TTN: variants seen among roughly 807,000 people sequenced by gnomAD.
TTN encodes the protein titin.
TTN carries 1,525 observed loss-of-function variants against 3,223.0 expected under a neutral mutation model. The observed-to-expected ratio is 0.47, with a 90% CI of 0.45 to 0.49. TTN has a LOEUF of 0.49. Among genes scored for constraint, TTN ranks in the 20% least tolerant of loss-of-function variants. The pLI, the probability that TTN is intolerant of heterozygous loss-of-function variation, is 0.00. For synonymous variants in TTN, 14,094 were observed against 15,161.0 expected (o/e 0.93, Z 5.17); for missense variants, 40,786 against 43,424.0 (o/e 0.94, Z 5.40).
rs1182411213 is a variant in TTN at position 178,677,785 on chromosome 2, T to G, written c.34127A>C (p.Glu11376Ala). 6.2e-7 allele frequency: 1 copy of G among 1,612,724 alleles called. No homozygotes were observed. The highest frequency in any genetic ancestry group is 8.5e-7 in the Non-Finnish European group (1 of 1,179,124). Residue 11376 changes from glutamate (E) to alanine (A), a missense_variant, in exon 146 of 363, where the codon GAA (glutamate) becomes GCA (alanine). Physicochemically the swap from Glu to Ala is moderately radical, Grantham distance 107 (BLOSUM62 -1). Coordinates refer to ENST00000589042, the MANE Select transcript of TTN (RefSeq NM_001267550.2). Reference protein sequence around the residue: ...EEEEVLPEEEEVLPEEEEVLP... With the variant: ...EEEEVLPEEEAVLPEEEEVLP... ...AACTTCCTCTTCTTCAGGTAGAACT[T>G]CCTCTTCCTCAGGTAGAACTTCCTC...
At chr2:178,746,585 A>T (rs372159964) in intron 47 of TTN, 1 of 1,613,080 alleles carries the variant, frequency 6.2e-7, no homozygotes, top group African/African-American at 1.3e-5. Flanking sequence ...CTGGGGCATT[A>T]TGTCTACATT....
At position 178,759,124 on chromosome 2, in the gene TTN, C is replaced by T. The variant is rs187703540; in HGVS notation, c.10163G>A (p.Arg3388Gln). ...TTCAAATTGAGTCATTCTAAAGAAC[C>T]GAGATGGCTTGATTTTCTTGTCTTT... ...YSKDKKIKPS[R>Q]FFRMTQFEDT... is the part of the protein sequence containing the mutation. Residue 3388 changes from arginine (R) to glutamine (Q), a missense_variant, in exon 44 of 363, where the codon CGG (arginine) becomes CAG (glutamine). Physicochemically the swap from Arg to Gln is conservative, Grantham distance 43. Coordinates refer to ENST00000589042, the MANE Select transcript of TTN (RefSeq NM_001267550.2). 351 of 1,613,916 alleles carry T rather than the reference C, an allele frequency of 2.2e-4. No homozygotes were observed. The East Asian group carries it at 6.2e-3, about 29-fold the overall frequency.
At position 178,551,064 on chromosome 2, in the gene TTN, C is replaced by A. The variant is rs542171381; in HGVS notation, c.91467G>T (p.Gly30489=). Residue 30489 remains glycine (G), a synonymous_variant, in exon 336 of 363, where the codon GGG becomes GGT. Transcript: ENST00000589042. ...CQYTVTGLSP[G]DRYEFRIIAR... is the part of the protein sequence containing the mutation. ...CAATTATTCTGAACTCATAGCGATC[C>A]CCAGGACTGAGTCCTGTAACTGTGT... 3.7e-6 allele frequency: 6 copies of A among 1,613,246 alleles called. No individual in the cohort carries two copies. In the South Asian group the frequency reaches 5.5e-5, roughly 15 times the overall value.
chr2:178,751,635 C>T (rs995505601), intron 47 of TTN: 1 of 1,613,344 alleles, frequency 6.2e-7, no homozygotes, highest in Non-Finnish European at 8.5e-7. Context: ...GTTGATTCTG[C>T]AGACCCTTCA....
At chr2:178,785,502 G>A (rs1411676948) in intron 15 of TTN, 118 bp downstream of exon 15, 19 of 1,433,444 alleles carry the variant, frequency 1.3e-5, no homozygotes, top group East Asian at 4.7e-5. Context: ...GCAAACACAC[G>A]CACACACACA....
intron 321 of TTN, among the ~76,000 whole-genome samples, 169 bp downstream of exon 321, chr2:178,578,437 TATTAC>T (rs1449483324): frequency 2.6e-5 from 4 of 152,086 alleles, no homozygotes; most frequent in African/African-American, 9.7e-5. Context: ...CTTTATTAAC[TATTAC>T]ATTAGGATAT....
rs190149868 is a variant in TTN at position 178,575,371 on chromosome 2, C to A, written c.70761G>T (p.Gly23587=). Residue 23587 remains glycine, a synonymous_variant, in exon 326 of 363, where the codon GGG becomes GGT. Transcript: ENST00000589042. This position sits in a 1 kb window ranked among gnomAD's most constrained non-coding sequence, Gnocchi z 4.0. ...DQWTHITTVK[G]LECVVRNLTE... ...TTAGATTCCTCACAACACATTCTAACCCTTTCACGGTTGTGATGTGGGTCC... is the reference window on the plus strand; with the variant it reads ...TTAGATTCCTCACAACACATTCTAAACCTTTCACGGTTGTGATGTGGGTCC... The A allele has an allele frequency of 9.9e-4, 1,605 of 1,613,616 alleles. 22 individuals carry two copies. Among genetic ancestry groups the A allele is most frequent in the Non-Finnish European group, 7.5e-5 (88 of 1,179,672 alleles).
chr2:178,764,035 G>A (rs1049908104), intron 43 of TTN, 142 bp downstream of exon 43: 10 of 1,250,900 alleles, frequency 8.0e-6, no homozygotes, highest in Non-Finnish European at 1.2e-5. Flanking sequence ...TTTAATAATT[G>A]AAATAAGTTT....
rs779416521 is a variant in TTN at position 178,741,874 on chromosome 2, C to T, written c.11359G>A (p.Ala3787Thr). 23 of 1,578,336 alleles carry T rather than the reference C, an allele frequency of 1.5e-5. No individual in the cohort carries two copies. Among genetic ancestry groups the T allele is most frequent in the Admixed American group, 7.5e-5 (4 of 53,668 alleles). The change falls in exon 48 of 363, where the codon GCC becomes ACC. Residue 3787 changes from alanine (A) to threonine (T), a missense_variant. Ala to Thr is a moderately conservative substitution (Grantham distance 58). Transcript: ENST00000589042. ...LSAEEEGLHS[A>T]ELQLSKINET... Reference sequence around the variant, plus strand: ...TTTATTTTAGATAATTGAAGTTCGGCGCTATGAAGTCCTTCTTCCTCGGCA... The same window carrying T: ...TTTATTTTAGATAATTGAAGTTCGGTGCTATGAAGTCCTTCTTCCTCGGCA...
chr2:178,650,899 C>A, intron 208 of TTN, 65 bp from the exon 209 acceptor site: 1 of 1,482,474 alleles, frequency 6.7e-7, no homozygotes, highest in South Asian at 1.2e-5. Flanking sequence ...TATACCACAT[C>A]GACTTCACAT....
chr2:178,794,387 C>T lies in TTN; in HGVS notation c.1398+12G>A, dbSNP rs1033605445. The stretch of plus-strand genomic sequence containing the variant: ...TGGCTCTGCGGGTGCCCCATGGCAG[C>T]CTCGCACGTACCTGTTCTTGAGCAG... On this transcript the variant is annotated intron_variant, in intron 8 of 362. Transcript: ENST00000589042. 2 of 1,613,874 alleles carry T rather than the reference C, an allele frequency of 1.2e-6. No individual in the cohort carries two copies. Among genetic ancestry groups the T allele is most frequent in the Non-Finnish European group, 8.5e-7 (1 of 1,179,968 alleles).
At chr2:178,639,892 T>A in intron 222 of TTN, 104 bp from the exon 223 acceptor site, 2 of 1,437,722 alleles carry the variant, frequency 1.4e-6, no homozygotes, top group Non-Finnish European at 1.9e-6. Flanking sequence ...AATCTTCAAA[T>A]AACTAGTTTT....
intron 359 of TTN, 101 bp from the exon 360 acceptor site, chr2:178,529,320 C>A (rs956890750): frequency 1.4e-5 from 13 of 919,306 alleles, no homozygotes; most frequent in South Asian, 2.3e-5. Flanking sequence ...GAAAAAAAGT[C>A]AACTTCTTCA....
Position 178,630,928 on chromosome 2 carries a change from A to G in TTN, c.44030T>C (p.Leu14677Pro). 1 of 1,611,390 alleles carries G rather than the reference A, an allele frequency of 6.2e-7. No individual in the cohort carries two copies. Among genetic ancestry groups the G allele is most frequent in the Non-Finnish European group, 8.5e-7 (1 of 1,179,068 alleles). ...KLDIEDREIK[L>P]VRPLHSVEVM... is the part of the protein sequence containing the mutation. ...CTCCACACTGTGCAGGGGTCGCACC[A>G]GTTTAATTTCCCGATCTAGAAAAGT... The change falls in exon 238 of 363, where the codon CTG (leucine) becomes CCG (proline). Residue 14677 changes from leucine to proline, a missense_variant. Leu to Pro is a moderately conservative substitution (Grantham distance 98). Transcript: ENST00000589042.
intron 47 of TTN, chr2:178,744,690 CT>C (rs2083139815): frequency 1.0e-6 from 1 of 975,662 alleles, no homozygotes; most frequent in Non-Finnish European, 1.2e-6. Flanking sequence ...AATATCCCAC[CT>C]TTTTTTAAAT....
In TTN at chr2:178,728,297, G is replaced by GA. The variant is rs778306448; in HGVS notation, c.19526_19527insT (p.Ile6510HisfsTer2). The stretch of plus-strand genomic sequence containing the variant: ...CATCCTTAAACCACTGAGCACTAAT[G>GA]GGAAGTGAACCAGACACCTTGCACT... On this transcript the variant is annotated frameshift_variant, in exon 67 of 363. Transcript: ENST00000589042. LOFTEE classifies it high-confidence loss of function. The GA allele has an allele frequency of 6.2e-7, 1 of 1,613,136 alleles. No individual in the cohort carries two copies. The highest frequency in any genetic ancestry group is 1.1e-5 in the South Asian group (1 of 91,058).
Position 178,665,429 on chromosome 2 carries a change from T to C in TTN, c.35991A>G (p.Glu11997=). The C allele has an allele frequency of 6.2e-7, 1 of 1,612,420 alleles. No homozygotes were observed. Among genetic ancestry groups the C allele is most frequent in the Non-Finnish European group, 8.5e-7 (1 of 1,179,574 alleles). The change falls in exon 165 of 363, where the codon GAA becomes GAG. Residue 11997 remains glutamate (E), a synonymous_variant. Coordinates refer to ENST00000589042, the MANE Select transcript of TTN (RefSeq NM_001267550.2). The part of the protein sequence containing the change: ...APEAMKEVVP[E]MKIFEDVPEE... ...CAGGTACATCCTCAAATATTTTCAT[T>C]TCAGGGACAACTTCTTTCATAGCTT...
rs780308468 is a variant in TTN at position 178,611,700 on chromosome 2, A to G, written c.50552-23T>C. The G allele has an allele frequency of 5.0e-6, 8 of 1,612,122 alleles. No homozygotes were observed. The Admixed American group carries it at 1.3e-4, about 27-fold the overall frequency. On this transcript the variant is annotated intron_variant, in intron 268 of 362. Transcript: ENST00000589042. ...GACCTGAGAAAAGAGTGAAATATTC[A>G]TATCCACAGTCTCATCAAGTTCTAG... is the stretch of plus-strand genomic sequence containing the variant.
Position 178,532,936 on chromosome 2 carries a change from T to C in TTN, c.103679A>G (p.Lys34560Arg), listed in dbSNP as rs544590023. The C allele has an allele frequency of 1.4e-5, 23 of 1,613,860 alleles. No homozygotes were observed. The highest frequency in any genetic ancestry group is 1.9e-5 in the Non-Finnish European group (23 of 1,179,890). The change falls in exon 358 of 363, where the codon AAG becomes AGG. Residue 34560 changes from lysine to arginine, a missense_variant. Physicochemically the swap from Lys to Arg is conservative, Grantham distance 26. Coordinates refer to ENST00000589042, the MANE Select transcript of TTN (RefSeq NM_001267550.2). ...CATGTCAGACATGGGCACGAACTGC[T>C]TGATGCGTTGGTCTTCTTCTATGGT... ...QTTIEEDQRIKQFVPMSDMKW... is the reference protein window; with the variant it reads ...QTTIEEDQRIRQFVPMSDMKW...
Sources: gnomAD v4.1 joint callset for allele counts (sites outside exome capture counted in the v4.1 genomes callset) on GRCh38, gnomAD v4.1.1 for gene constraint, Gnocchi (gnomAD v3.1) non-coding constraint, MANE v1.5 for transcripts, NCBI Gene and HGNC (gene_info 2026-07-23, HGNC 2026-07-21) for gene names.